FOXP2: variants seen among roughly 807,000 people sequenced by gnomAD.
The protein encoded by FOXP2 is forkhead box protein P2.
Under a neutral mutation model 115.8 loss-of-function variants are expected in FOXP2, and 12 were observed. The ratio of observed to expected loss-of-function variants is 0.10; its 90% CI spans 0.07 to 0.17. FOXP2 has a LOEUF of 0.17. FOXP2 is among the 10% of genes least tolerant of loss of function. FOXP2 has a pLI of 1.00. For missense variants in FOXP2, 629 were observed against 843.5 expected (o/e 0.75, Z 3.15); for synonymous variants, 328 against 297.7 (o/e 1.10, Z -1.05).
At chr7:114,408,825 C>T (rs1043208226) in intron 2 of FOXP2, among the ~76,000 whole-genome samples, 1 of 152,074 alleles carries the variant, frequency 6.6e-6, no homozygotes, top group African/African-American at 2.4e-5. Context: ...AAAGAAAGTA[C>T]TTGGTACTTG....
chr7:114,111,127 A>G (rs551549479), intron 1 of FOXP2, among the ~76,000 whole-genome samples: 3 of 152,306 alleles, frequency 2.0e-5, no homozygotes, highest in African/African-American at 7.2e-5. Context: ...CCTGCAATCA[A>G]TCACACCTCC....
At chr7:114,099,854 A>C (rs901949904) in intron 1 of FOXP2, among the ~76,000 whole-genome samples, 1 of 152,148 alleles carries the variant, frequency 6.6e-6, no homozygotes, top group Non-Finnish European at 1.5e-5. Flanking sequence ...GATCTAATAT[A>C]CAACATGAGG....
chr7:114,228,067 C>T (rs1794785992), intron 1 of FOXP2, among the ~76,000 whole-genome samples: 1 of 151,730 alleles, frequency 6.6e-6, no homozygotes, highest in Non-Finnish European at 1.5e-5. Context: ...ATTATGATGG[C>T]ATATCAAAAA....
chr7:114,483,882 C>T (rs1796661663), intron 2 of FOXP2, among the ~76,000 whole-genome samples: 1 of 151,564 alleles, frequency 6.6e-6, no homozygotes, highest in South Asian at 2.1e-4. Flanking sequence ...ATAAAGCAGT[C>T]CTGGAACATC....
At chr7:114,540,421 A>T (rs1799597527) in intron 3 of FOXP2, among the ~76,000 whole-genome samples, 1 of 152,018 alleles carries the variant, frequency 6.6e-6, no homozygotes, top group Non-Finnish European at 1.5e-5. Flanking sequence ...TAAGGAGGAG[A>T]TTGTGCTGAG....
Position 114,246,117 on chromosome 7 carries a change from G to A in FOXP2, c.-101-41902G>A, listed in dbSNP as rs558450107. Reference sequence around the variant, plus strand: ...TTCCAGTCATATAAAATGATATACAGTATCTTTGTATGTATGATATTCAGA... The same window carrying A: ...TTCCAGTCATATAAAATGATATACAATATCTTTGTATGTATGATATTCAGA... On this transcript the variant is annotated intron_variant, in intron 1 of 17. Transcript: ENST00000634411. Among the ~76,000 whole-genome samples, 8 of 152,210 alleles carry A rather than the reference G, an allele frequency of 5.3e-5. No homozygotes were observed. In the South Asian group the frequency reaches 1.0e-3, roughly 20 times the overall value.
At chr7:114,203,040 CA>C (rs1218546556) in intron 1 of FOXP2, among the ~76,000 whole-genome samples, 2 of 152,184 alleles carry the variant, frequency 1.3e-5, no homozygotes, top group Non-Finnish European at 2.9e-5. Flanking sequence ...ATGATGCCTC[CA>C]AACCTTCCAA....
chr7:114,544,530 T>G (rs1214195937), intron 3 of FOXP2, among the ~76,000 whole-genome samples: 3 of 152,238 alleles, frequency 2.0e-5, no homozygotes, highest in African/African-American at 7.2e-5. Context: ...CTTACACTTT[T>G]AATGCTAACA....
upstream of FOXP2, among the ~76,000 whole-genome samples, chr7:114,410,103 A>G (rs956701772): frequency 6.6e-6 from 1 of 152,214 alleles, no homozygotes; most frequent in African/African-American, 2.4e-5. Context: ...TCTTCGCCAT[A>G]TAGACTTCTT....
chr7:114,412,043 A>T (rs1373134748), upstream of FOXP2, among the ~76,000 whole-genome samples: 1 of 152,140 alleles, frequency 6.6e-6, no homozygotes, highest in African/African-American at 2.4e-5. Context: ...CCAGTGTTAT[A>T]GTTCAGTGGA....
At chr7:114,525,941 A>T (rs887708598) in intron 2 of FOXP2, among the ~76,000 whole-genome samples, 5 of 151,812 alleles carry the variant, frequency 3.3e-5, no homozygotes, top group African/African-American at 1.2e-4. Context: ...TTGAAATCCC[A>T]TCTCTACTAA....
intron 2 of FOXP2, among the ~76,000 whole-genome samples, chr7:114,292,538 CG>C (rs1206262703): frequency 6.6e-6 from 1 of 152,118 alleles, no homozygotes; most frequent in African/African-American, 2.4e-5. Context: ...ACATGTTTTA[CG>C]CTTTCTTGCC....
At chr7:114,619,189 G>T (rs1804105074) in intron 3 of FOXP2, among the ~76,000 whole-genome samples, 3 of 151,598 alleles carry the variant, frequency 2.0e-5, no homozygotes, top group Non-Finnish European at 4.4e-5. Context: ...AACATTATCT[G>T]TTTGATCCTC....
chr7:114,583,656 T>C (rs1339317434), intron 3 of FOXP2, among the ~76,000 whole-genome samples: 2 of 152,220 alleles, frequency 1.3e-5, no homozygotes, highest in African/African-American at 4.8e-5. Flanking sequence ...AGGAAAATAG[T>C]TGTCTGTTCA....
chr7:114,274,367 T>A (rs1299527273), intron 1 of FOXP2, among the ~76,000 whole-genome samples: 2 of 152,052 alleles, frequency 1.3e-5, no homozygotes, highest in Non-Finnish European at 2.9e-5. Flanking sequence ...AAATAAAAGT[T>A]TTAATTTTAC....
chr7:114,106,747 T>C (rs1791128334), intron 1 of FOXP2, among the ~76,000 whole-genome samples: 1 of 152,004 alleles, frequency 6.6e-6, no homozygotes, highest in Non-Finnish European at 1.5e-5. Context: ...TATTTGCAAG[T>C]AGTGTTACAA....
At chr7:114,604,725 G>T (rs527836245) in intron 3 of FOXP2, among the ~76,000 whole-genome samples, 2 of 151,988 alleles carry the variant, frequency 1.3e-5, no homozygotes, top group African/African-American at 4.8e-5. Flanking sequence ...AAATGAGTCC[G>T]GGTAAATTCT....
intron 2 of FOXP2, among the ~76,000 whole-genome samples, chr7:114,395,636 T>C (rs1792718365): frequency 6.6e-6 from 1 of 152,148 alleles, no homozygotes; most frequent in African/African-American, 2.4e-5. Flanking sequence ...TTAAAAGATA[T>C]TATTACTAGT....
At chr7:114,638,970 C>G (rs114682396) in intron 6 of FOXP2, among the ~76,000 whole-genome samples, 1,535 of 152,270 alleles carry the variant, frequency 0.01, 21 homozygotes, top group African/African-American at 0.035. Context: ...AACTGCCTGA[C>G]ATTTGTTACT....
Sources: allele counts gnomAD v4.1 joint callset (sites outside exome capture counted in the v4.1 genomes callset), GRCh38; gene constraint gnomAD v4.1.1; transcripts MANE v1.5; gene names NCBI Gene and HGNC (gene_info 2026-07-23, HGNC 2026-07-21).